The following PHACTR4 variants were observed in gnomAD, a reference collection of about 807,000 sequenced individuals.
PHACTR4 encodes the protein phosphatase and actin regulator 4.
PHACTR4 carries 51 observed loss-of-function variants against 72.7 expected under a neutral mutation model. The ratio of observed to expected loss-of-function variants is 0.70; its 90% CI spans 0.56 to 0.89. The LOEUF (loss-of-function observed/expected upper bound fraction) is 0.89. Among genes scored for constraint, PHACTR4 ranks in the 40% least tolerant of loss-of-function variants. The pLI is 0.00. For missense variants in PHACTR4, 731 were observed against 861.8 expected, an observed-to-expected ratio of 0.85 and a Z score of 1.90; for synonymous variants, 255 against 302.5, an observed-to-expected ratio of 0.84 and a Z score of 1.63.
intron 13 of PHACTR4, 51 bp from the exon 14 acceptor site, chr1:28,496,483 C>G: frequency 1.9e-6 from 3 of 1,595,872 alleles, no homozygotes; most frequent in Non-Finnish European, 2.6e-6. Context: ...ACATTAATAG[C>G]AAAGCAATGT....
chr1:28,496,574 A>G lies in PHACTR4; in HGVS notation c.*25A>G. ...ATGCCAAAGGTTGAGAGAGGAATCA[A>G]CATGGCTGCTTTGCTGCTTCCTTCT... On this transcript the variant is annotated 3_prime_UTR_variant, in exon 14 of 14. Coordinates refer to ENST00000373839, the MANE Select transcript of PHACTR4 (RefSeq NM_001048183.3). 1.9e-6 allele frequency: 3 copies of G among 1,613,462 alleles called. No individual in the cohort carries two copies. The highest frequency in any genetic ancestry group is 2.2e-5 in the East Asian group (1 of 44,878).
At chr1:28,376,085 C>G (rs1341419462) in intron 1 of PHACTR4, among the ~76,000 whole-genome samples, 1 of 151,600 alleles carries the variant, frequency 6.6e-6, no homozygotes, top group Non-Finnish European at 1.5e-5. Context: ...AACAAACAAA[C>G]AAACAAAAAA....
chr1:28,385,641 G>T (rs2124165973), intron 1 of PHACTR4, among the ~76,000 whole-genome samples: 1 of 146,298 alleles, frequency 6.8e-6, no homozygotes, highest in East Asian at 2.0e-4. Flanking sequence ...TTTGGAGACG[G>T]AGCCTCATTC....
In PHACTR4 at chr1:28,499,862, G is replaced by C. The variant is rs908519570; in HGVS notation, c.*3313G>C. 20 of 152,284 alleles carry C rather than the reference G, an allele frequency of 1.3e-4. 1 individual carries two copies. Among genetic ancestry groups the C allele is most frequent in the Admixed American group, 9.8e-4 (15 of 15,282 alleles). 9.4% of individuals were successfully genotyped at this position (152,284 alleles called of 1,614,324 possible). A position where few individuals can be genotyped will look rare whatever the true frequency, so the allele number is the denominator to read the frequency against. ...CTATTAGAGGTCTGGATATAAGGTA[G>C]CCACACAATAACTCTAACTTGACTT... On this transcript the variant is annotated 3_prime_UTR_variant, in exon 14 of 14. Coordinates refer to ENST00000373839, the MANE Select transcript of PHACTR4 (RefSeq NM_001048183.3).
intron 2 of PHACTR4, among the ~76,000 whole-genome samples, chr1:28,424,789 GT>G (rs929799831): frequency 6.7e-6 from 1 of 149,390 alleles, no homozygotes; most frequent in Non-Finnish European, 1.5e-5. Flanking sequence ...TGGCTGGCCT[GT>G]TTTTTTGTTG....
In PHACTR4 at chr1:28,491,576, G is replaced by A. The variant is rs1661039014; in HGVS notation, c.1879-74G>A. ...ATTCCAATGAAGATTGAAGCACTGG[G>A]TTAGAGGCAATTTGAATGCATGATT... On this transcript the variant is annotated intron_variant, in intron 11 of 13. Coordinates refer to ENST00000373839, the MANE Select transcript of PHACTR4 (RefSeq NM_001048183.3). 4.4e-6 allele frequency: 7 copies of A among 1,597,952 alleles called. No individual in the cohort carries two copies. The Admixed American group carries it at 5.0e-5, about 11-fold the overall frequency.
At chr1:28,492,992 A>G (rs1661129089) in intron 12 of PHACTR4, 23 bp from the exon 13 acceptor site, 2 of 1,587,184 alleles carry the variant, frequency 1.3e-6, no homozygotes, top group East Asian at 2.2e-5. Flanking sequence ...AGAAGCTGAA[A>G]CATTTTTGTC....
At chr1:28,486,412 A>T (rs1320108108) in intron 9 of PHACTR4, among the ~76,000 whole-genome samples, 2 of 152,186 alleles carry the variant, frequency 1.3e-5, no homozygotes, top group Non-Finnish European at 2.9e-5. Context: ...TGCAATTGTG[A>T]TGATGATTTC....
At chr1:28,441,064 A>G (rs913499214) in intron 2 of PHACTR4, among the ~76,000 whole-genome samples, 1 of 152,206 alleles carries the variant, frequency 6.6e-6, no homozygotes, top group Non-Finnish European at 1.5e-5. Context: ...TATTACTTTC[A>G]GGCACTGTGA....
At chr1:28,442,817 T>A (rs993494445) in intron 2 of PHACTR4, among the ~76,000 whole-genome samples, 1 of 150,956 alleles carries the variant, frequency 6.6e-6, no homozygotes, top group African/African-American at 2.4e-5. Context: ...ATTTTTTTTT[T>A]AATTGAAAAT....
Position 28,472,230 on chromosome 1 carries a change from CAGT to C in PHACTR4, c.824-1321_824-1319del, listed in dbSNP as rs1163024230. Among the ~76,000 whole-genome samples the C allele has an allele frequency of 2.6e-5, 4 of 151,300 alleles. No homozygotes were observed. In the East Asian group the frequency reaches 7.8e-4, roughly 29 times the overall value. On this transcript the variant is annotated intron_variant, in intron 6 of 13. Transcript: ENST00000373839. The stretch of plus-strand genomic sequence containing the variant: ...CTCAAAAAAAAAAAAAAATTAGAGA[CAGT>C]AGGATGCAGTCAAATAGTCAGAGAC...
intron 9 of PHACTR4, among the ~76,000 whole-genome samples, chr1:28,484,609 CAT>C (rs760914325): frequency 4.7e-5 from 7 of 147,846 alleles, no homozygotes; most frequent in Admixed American, 1.4e-4. Context: ...TATATATGTC[CAT>C]ATATATATAT....
At chr1:28,456,728 G>A (rs1279967123) in intron 2 of PHACTR4, among the ~76,000 whole-genome samples, 2 of 151,730 alleles carry the variant, frequency 1.3e-5, no homozygotes, top group Non-Finnish European at 2.9e-5. Context: ...GCCAGTGTCT[G>A]TAATCTGAGA....
At chr1:28,489,655 A>G in intron 10 of PHACTR4, 2 of 395,492 alleles carry the variant, frequency 5.1e-6, no homozygotes, top group Non-Finnish European at 1.0e-5. Flanking sequence ...TAATCCCTTA[A>G]GACTTTCTTA....
At chr1:28,483,858 C>G (rs1051101437) in intron 9 of PHACTR4, among the ~76,000 whole-genome samples, 4 of 150,426 alleles carry the variant, frequency 2.7e-5, no homozygotes, top group African/African-American at 9.8e-5. Context: ...ACCCTATAAG[C>G]CAGGATTTGG....
chr1:28,466,618 G>C lies in PHACTR4; in HGVS notation c.673G>C (p.Val225Leu). Reference protein sequence around the residue: ...TSLAKTVNLSVTPSPAPRTLP... With the variant: ...TSLAKTVNLSLTPSPAPRTLP... ...CCTTGCAAAGACTGTTAATCTCTCT[G>C]TCACCCCTTCCCCAGCACCCAGGAC... is the stretch of plus-strand genomic sequence containing the variant. Residue 225 changes from valine to leucine, a missense_variant, in exon 6 of 14, where the codon GTC becomes CTC. Transcript: ENST00000373839. 1 of 1,613,866 alleles carries C rather than the reference G, an allele frequency of 6.2e-7. No individual in the cohort carries two copies. Among genetic ancestry groups the C allele is most frequent in the Non-Finnish European group, 8.5e-7 (1 of 1,179,958 alleles).
intron 3 of PHACTR4, 93 bp downstream of exon 3, chr1:28,459,351 C>A: frequency 9.1e-7 from 1 of 1,094,596 alleles, no homozygotes; most frequent in Non-Finnish European, 1.3e-6. Flanking sequence ...TTTCTGTAGT[C>A]CTCTATTTGA....
At chr1:28,409,728 A>G (rs1654627968) in intron 2 of PHACTR4, among the ~76,000 whole-genome samples, 1 of 152,112 alleles carries the variant, frequency 6.6e-6, no homozygotes, top group African/African-American at 2.4e-5. Flanking sequence ...TCTGGCTCAG[A>G]TTAAGAGCTT....
At chr1:28,443,696 C>T (rs1657217702) in intron 2 of PHACTR4, among the ~76,000 whole-genome samples, 1 of 151,992 alleles carries the variant, frequency 6.6e-6, no homozygotes, top group African/African-American at 2.4e-5. Context: ...CTCAAGTGAT[C>T]TTCCTGCCTC....
Sources: gnomAD v4.1 joint callset for allele counts (sites outside exome capture counted in the v4.1 genomes callset) on GRCh38, gnomAD v4.1.1 for gene constraint, MANE v1.5 for transcripts, NCBI Gene and HGNC (gene_info 2026-07-23, HGNC 2026-07-21) for gene names.